Variants in PPFIA2 observed in about 807,000 individuals in gnomAD.
PPFIA2 encodes the protein liprin-alpha-2.
Under a neutral mutation model 175.5 loss-of-function variants are expected in PPFIA2, and 46 were observed. The ratio of observed to expected loss-of-function variants is 0.26; its 90% CI spans 0.21 to 0.34. The LOEUF is 0.34. Ranked by LOEUF, PPFIA2 falls within the 10% of genes least tolerant of loss-of-function variation. The pLI is 1.00. For synonymous variants in PPFIA2, 568 were observed against 511.4 expected (o/e 1.11, Z -1.49); for missense variants, 1,179 against 1,506.1 (o/e 0.78, Z 3.60).
chr12:81,337,387 A>G (rs1245390639), intron 21 of PPFIA2, among the ~76,000 whole-genome samples: 1 of 152,146 alleles, frequency 6.6e-6, no homozygotes, highest in African/African-American at 2.4e-5. Context: ...AACTTTTGCT[A>G]GTTTCTGACT....
At chr12:81,751,145 G>A (rs928301623) in intron 3 of PPFIA2, among the ~76,000 whole-genome samples, 1 of 151,650 alleles carries the variant, frequency 6.6e-6, no homozygotes, top group Non-Finnish European at 1.5e-5. Flanking sequence ...AAAAAAAAAA[G>A]ATGATTATCA....
intron 4 of PPFIA2, among the ~76,000 whole-genome samples, chr12:81,462,713 G>A (rs1357895630): frequency 3.3e-5 from 5 of 150,598 alleles, no homozygotes; most frequent in African/African-American, 1.2e-4. Flanking sequence ...CTCCCACCTA[G>A]GAATAGGCTA....
Position 81,287,394 on chromosome 12 carries a change from G to A in PPFIA2, c.2926-3091C>T, listed in dbSNP as rs115060254. 3.6e-3 allele frequency among the ~76,000 whole-genome samples: 540 copies of A among 151,968 alleles called. 5 individuals are homozygous for A. The highest frequency in any genetic ancestry group is 0.012 in the African/African-American group (510 of 41,500). ...AGTCTGTCACCATATTCTGGGATGTGGAACATGCTGGAAGCTATGGTTTTA... is the reference window on the plus strand; with the variant it reads ...AGTCTGTCACCATATTCTGGGATGTAGAACATGCTGGAAGCTATGGTTTTA... On this transcript the variant is annotated intron_variant, in intron 24 of 32. Transcript: ENST00000549396.
chr12:81,624,850 G>T (rs1310036908), intron 4 of PPFIA2, among the ~76,000 whole-genome samples: 1 of 150,574 alleles, frequency 6.6e-6, no homozygotes, highest in African/African-American at 2.4e-5. Context: ...GGTGACCAGG[G>T]ATAAAAAACT....
intron 3 of PPFIA2, among the ~76,000 whole-genome samples, chr12:81,715,790 T>G: frequency 6.6e-6 from 1 of 151,860 alleles, no homozygotes; most frequent in South Asian, 2.1e-4. Context: ...AATGGCATTA[T>G]GCTCCCTTGA....
intron 4 of PPFIA2, among the ~76,000 whole-genome samples, chr12:81,460,057 T>G (rs962593818): frequency 6.6e-6 from 1 of 152,066 alleles, no homozygotes; most frequent in Non-Finnish European, 1.5e-5. Flanking sequence ...TGGAGTACAT[T>G]TAGAGGTACC....
chr12:81,341,360 T>C (rs1380241397), intron 19 of PPFIA2, among the ~76,000 whole-genome samples, 152 bp from the exon 20 acceptor site: 1 of 151,976 alleles, frequency 6.6e-6, no homozygotes, highest in Non-Finnish European at 1.5e-5. Flanking sequence ...CATACATAAA[T>C]TCCCATTAAA....
intron 17 of PPFIA2, 30 bp downstream of exon 17, chr12:81,353,089 C>T: frequency 1.3e-6 from 2 of 1,586,396 alleles, no homozygotes; most frequent in Non-Finnish European, 1.7e-6. Context: ...CTTCTAATTT[C>T]TTGAAATCAT....
At chr12:81,658,783 C>T (rs2068240606) in intron 4 of PPFIA2, among the ~76,000 whole-genome samples, 1 of 151,644 alleles carries the variant, frequency 6.6e-6, no homozygotes, top group Admixed American at 6.6e-5. Flanking sequence ...AAATGTATGT[C>T]TAATAAACAT....
chr12:81,721,515 C>A (rs1489146954), intron 3 of PPFIA2, among the ~76,000 whole-genome samples: 1 of 150,762 alleles, frequency 6.6e-6, no homozygotes, highest in East Asian at 2.0e-4. Context: ...AATTTTATCT[C>A]TACAACTTCT....
chr12:81,753,170 G>A (rs1277509169), intron 3 of PPFIA2, among the ~76,000 whole-genome samples: 2 of 152,016 alleles, frequency 1.3e-5, no homozygotes, highest in Non-Finnish European at 2.9e-5. Context: ...CCTGAGCTCA[G>A]GCAATCCACC....
At chr12:81,265,800 T>C (rs2037080254) in intron 30 of PPFIA2, among the ~76,000 whole-genome samples, 1 of 152,224 alleles carries the variant, frequency 6.6e-6, no homozygotes, top group Non-Finnish European at 1.5e-5. Context: ...TGTAGCAATA[T>C]GACAACTCTT....
intron 4 of PPFIA2, among the ~76,000 whole-genome samples, chr12:81,460,450 A>G (rs2054328258): frequency 6.6e-6 from 1 of 152,092 alleles, no homozygotes; most frequent in Non-Finnish European, 1.5e-5. Flanking sequence ...GTGAAAAAGA[A>G]CTAACACAAC....
intron 8 of PPFIA2, among the ~76,000 whole-genome samples, chr12:81,389,291 G>A (rs900922823): frequency 6.6e-5 from 10 of 150,948 alleles, no homozygotes; most frequent in Non-Finnish European, 2.9e-5. Flanking sequence ...GTGCACCTGC[G>A]CTCCATTAAA....
At chr12:81,522,207 G>T (rs1172488523) in intron 4 of PPFIA2, among the ~76,000 whole-genome samples, 8 of 152,084 alleles carry the variant, frequency 5.3e-5, no homozygotes, top group Non-Finnish European at 1.2e-4. Flanking sequence ...TTTGTTGTAG[G>T]CTACTGTTTT....
At position 81,341,078 on chromosome 12, in the gene PPFIA2, C is replaced by T. The variant is rs1392650886; in HGVS notation, c.2393G>A (p.Ser798Asn). The change falls in exon 20 of 33, where the codon AGT becomes AAT. Residue 798 changes from serine to asparagine, a missense_variant and splice_region_variant. Ser to Asn is a conservative substitution (Grantham distance 46). Around this residue, in one of 10 missense-constraint regions of PPFIA2, gnomAD observed 223 missense variants for 241.6 expected, o/e 0.92. Coordinates refer to ENST00000549396, the MANE Select transcript of PPFIA2 (RefSeq NM_003625.5). The stretch of plus-strand genomic sequence containing the variant: ...GTGCAGTGTGCCTGCAGAGTCTTAC[C>T]TTCGAGCATCATTGTGGTAGGAAGA... The part of the protein sequence containing the change: ...LPSSYHNDAR[S>N]SLSVSLEPES... 3.1e-6 allele frequency: 5 copies of T among 1,609,184 alleles called. No homozygotes were observed. The African/African-American group carries it at 5.4e-5, about 17-fold the overall frequency.
intron 16 of PPFIA2, among the ~76,000 whole-genome samples, chr12:81,353,666 A>T (rs909820761): frequency 1.3e-5 from 2 of 152,164 alleles, no homozygotes; most frequent in Non-Finnish European, 2.9e-5. Flanking sequence ...CAAATATAAC[A>T]ATCTATTTAT....
chr12:81,651,485 C>G (rs756135821), intron 4 of PPFIA2, among the ~76,000 whole-genome samples: 7 of 151,916 alleles, frequency 4.6e-5, no homozygotes, highest in Non-Finnish European at 8.8e-5. Context: ...CTTAAACATG[C>G]TATTTTCTTT....
chr12:81,595,473 G>A (rs1261284162), intron 4 of PPFIA2, among the ~76,000 whole-genome samples: 2 of 152,018 alleles, frequency 1.3e-5, no homozygotes, highest in African/African-American at 2.4e-5. Flanking sequence ...GACATACAGT[G>A]CAAATTGAGT....
Sources: allele counts gnomAD v4.1 joint callset (sites outside exome capture counted in the v4.1 genomes callset), GRCh38; gene constraint gnomAD v4.1.1; regional missense constraint gnomAD v4.1.1; transcripts MANE v1.5; gene names NCBI Gene and HGNC (gene_info 2026-07-23, HGNC 2026-07-21).